MPPED1: variants seen among roughly 807,000 people sequenced by gnomAD.
The protein encoded by MPPED1 is metallophosphoesterase domain-containing protein 1.
MPPED1 carries 16 observed loss-of-function variants against 36.2 expected under a neutral mutation model. That is an observed-to-expected ratio of 0.44 (90% CI 0.30 to 0.67). The LOEUF (loss-of-function observed/expected upper bound fraction) is 0.67, where lower values mean the gene tolerates loss of function less well. MPPED1 is among the 30% of genes least tolerant of loss of function. The pLI is 0.10. For missense variants in MPPED1, 307 were observed against 453.4 expected (o/e 0.68, Z 2.93); for synonymous variants, 199 against 191.3 (o/e 1.04, Z -0.33).
At chr22:43,455,339 A>T (rs1930718327) in intron 3 of MPPED1, among the ~76,000 whole-genome samples, 1 of 151,786 alleles carries the variant, frequency 6.6e-6, no homozygotes, top group Non-Finnish European at 1.5e-5. Flanking sequence ...CAAACTCCTG[A>T]CCTCAGGTGA....
At chr22:43,485,569 G>A (rs114472624) in intron 4 of MPPED1, among the ~76,000 whole-genome samples, 3,413 of 151,986 alleles carry the variant, frequency 0.022, 137 homozygotes, top group African/African-American at 0.079. Flanking sequence ...ACACCGCCAC[G>A]ATTTCTCTTC....
chr22:43,431,273 C>T (rs561834840), intron 2 of MPPED1, among the ~76,000 whole-genome samples: 2 of 152,054 alleles, frequency 1.3e-5, no homozygotes, highest in South Asian at 2.1e-4. Flanking sequence ...GAACTCCTGA[C>T]CTCAAGTGAT....
intron 3 of MPPED1, among the ~76,000 whole-genome samples, chr22:43,468,847 G>A (rs1290821461): frequency 6.6e-6 from 1 of 152,154 alleles, no homozygotes; most frequent in African/African-American, 2.4e-5. Flanking sequence ...TTCAGGATAG[G>A]CTCAGTGGAT....
chr22:43,475,784 G>A (rs1436922941), intron 4 of MPPED1, among the ~76,000 whole-genome samples: 1 of 76,568 alleles, frequency 1.3e-5, no homozygotes, highest in African/African-American at 5.1e-5. Context: ...TGAGGGTGAG[G>A]GTGATGATAG....
At chr22:43,415,829 C>T (rs926537895) in intron 1 of MPPED1, among the ~76,000 whole-genome samples, 3 of 152,212 alleles carry the variant, frequency 2.0e-5, no homozygotes, top group African/African-American at 7.2e-5. Flanking sequence ...CCCACTTTCG[C>T]ATTCCCGTCT....
At chr22:43,455,849 T>A (rs1345950245) in intron 3 of MPPED1, among the ~76,000 whole-genome samples, 1 of 152,232 alleles carries the variant, frequency 6.6e-6, no homozygotes, top group Non-Finnish European at 1.5e-5. Flanking sequence ...GTTAATTTCC[T>A]GAGGCTGCAG....
intron 3 of MPPED1, among the ~76,000 whole-genome samples, chr22:43,466,748 C>T (rs1428775515): frequency 6.6e-6 from 1 of 152,170 alleles, no homozygotes; most frequent in Admixed American, 6.5e-5. Flanking sequence ...GCCCTCATGT[C>T]CTAGAACCTG....
rs560534928 is a variant in MPPED1, at chr22:43,500,413, T to G, written c.748+2063T>G. On this transcript the variant is annotated intron_variant, in intron 5 of 6. Coordinates refer to ENST00000443721, the MANE Select transcript of MPPED1 (RefSeq NM_001044370.2). Reference sequence around the variant, plus strand: ...GTGATGGAGGTGGTAGTGGTGGTGATGGAGGTGGTAATGGAGGTGGTGGTG... The same window carrying G: ...GTGATGGAGGTGGTAGTGGTGGTGAGGGAGGTGGTAATGGAGGTGGTGGTG... Among the ~76,000 whole-genome samples the G allele has an allele frequency of 3.3e-5, 5 of 149,802 alleles. No individual in the cohort carries two copies. The East Asian group carries it at 9.9e-4, about 30-fold the overall frequency.
chr22:43,463,196 C>T (rs966578329), intron 3 of MPPED1, among the ~76,000 whole-genome samples: 1 of 151,968 alleles, frequency 6.6e-6, no homozygotes, highest in Admixed American at 6.6e-5. Context: ...TTATTTTTTC[C>T]AAGCACTCTG....
intron 4 of MPPED1, among the ~76,000 whole-genome samples, chr22:43,487,524 G>A (rs550098747): frequency 6.6e-6 from 1 of 152,342 alleles, no homozygotes; most frequent in South Asian, 2.1e-4. Flanking sequence ...AGGCGCTGGA[G>A]TGGAGGAATG....
intron 4 of MPPED1, among the ~76,000 whole-genome samples, chr22:43,479,797 G>A (rs1931693816): frequency 6.6e-6 from 1 of 152,212 alleles, no homozygotes; most frequent in African/African-American, 2.4e-5. Flanking sequence ...GCAAACATAT[G>A]GTTATAGCAA....
chr22:43,470,773 AG>A (rs1383521318), intron 3 of MPPED1, among the ~76,000 whole-genome samples: 1 of 152,278 alleles, frequency 6.6e-6, no homozygotes, highest in African/African-American at 2.4e-5. Context: ...ACCTGGGGAT[AG>A]TAACACTTAA....
At chr22:43,448,733 G>C (rs1464620126) in intron 3 of MPPED1, among the ~76,000 whole-genome samples, 1 of 152,020 alleles carries the variant, frequency 6.6e-6, no homozygotes, top group Non-Finnish European at 1.5e-5. Flanking sequence ...CTCTTGAGTA[G>C]CTGGGATTAC....
At chr22:43,424,788 C>G (rs924346388) in intron 1 of MPPED1, 120 bp from the exon 2 acceptor site, 1 of 1,296,758 alleles carries the variant, frequency 7.7e-7, no homozygotes, top group Non-Finnish European at 1.0e-6. Context: ...TTGAGCTGTA[C>G]GACTGTGTTT....
intron 1 of MPPED1, chr22:43,419,200 C>CTCAT (rs1343545106): frequency 6.6e-6 from 1 of 152,218 alleles, no homozygotes; most frequent in East Asian, 1.9e-4. Context: ...TGTAGTTTCT[C>CTCAT]TCATTCATTC....
At chr22:43,426,622 G>A (rs1401398213) in intron 2 of MPPED1, among the ~76,000 whole-genome samples, 1 of 152,170 alleles carries the variant, frequency 6.6e-6, no homozygotes, top group East Asian at 1.9e-4. Flanking sequence ...TGTGTGTGAG[G>A]GCGCGACCTC....
intron 5 of MPPED1, among the ~76,000 whole-genome samples, chr22:43,501,896 T>G (rs1448592885): frequency 6.6e-6 from 1 of 152,016 alleles, no homozygotes; most frequent in East Asian, 1.9e-4. Context: ...TGCTGCTTGC[T>G]TGGGCCTTTG....
chr22:43,475,021 A>C, intron 4 of MPPED1, 60 bp downstream of exon 4: 2 of 1,477,970 alleles, frequency 1.4e-6, no homozygotes, highest in Non-Finnish European at 1.9e-6. Context: ...GGCTGAGCGC[A>C]GGGGGTGTAG....
At chr22:43,421,079 C>T (rs55940103) in intron 1 of MPPED1, among the ~76,000 whole-genome samples, 1 of 152,224 alleles carries the variant, frequency 6.6e-6, no homozygotes, top group Non-Finnish European at 1.5e-5. Context: ...GGAGCCCAGG[C>T]GGTCTCCCTG....
Sources: gnomAD v4.1 joint callset for allele counts (sites outside exome capture counted in the v4.1 genomes callset) on GRCh38, gnomAD v4.1.1 for gene constraint, MANE v1.5 for transcripts, NCBI Gene and HGNC (gene_info 2026-07-23, HGNC 2026-07-21) for gene names.